Variants in STARD13 observed in about 807,000 individuals in gnomAD.
STARD13 encodes the protein stAR-related lipid transfer protein 13.
In STARD13, 62 loss-of-function variants were observed where a neutral mutation model predicts 106.4. The ratio of observed to expected loss-of-function variants is 0.58; its 90% CI spans 0.48 to 0.72. STARD13 has a LOEUF of 0.72. STARD13 is among the 30% of genes least tolerant of loss of function. STARD13 has a pLI of 0.00. For synonymous variants in STARD13, 565 were observed against 553.0 expected (o/e 1.02, Z -0.31); for missense variants, 1,387 against 1,424.0 (o/e 0.97, Z 0.42).
At chr13:33,128,348 A>G (rs1327398445) in intron 5 of STARD13, among the ~76,000 whole-genome samples, 5 of 152,178 alleles carry the variant, frequency 3.3e-5, no homozygotes, top group Admixed American at 1.3e-4. Context: ...GTGACACATC[A>G]CTGAACCACA....
chr13:33,353,203 C>T (rs1401306608), upstream of STARD13, among the ~76,000 whole-genome samples: 1 of 152,200 alleles, frequency 6.6e-6, no homozygotes, highest in Non-Finnish European at 1.5e-5. Context: ...CAGCAGCCAT[C>T]CTAAAGCCCA....
At chr13:33,331,069 A>T (rs71438007) in intron 1 of STARD13, among the ~76,000 whole-genome samples, 6 of 152,350 alleles carry the variant, frequency 3.9e-5, no homozygotes, top group Non-Finnish European at 7.3e-5. Context: ...AATAATTTGC[A>T]GACTATCCAA....
In STARD13 at chr13:33,106,853, AC is replaced by A. The variant is rs1278698342; in HGVS notation, c.3128del (p.Gly1043ValfsTer7). 3.7e-6 allele frequency: 6 copies of A among 1,613,982 alleles called. No individual in the cohort carries two copies. Among genetic ancestry groups the A allele is most frequent in the Non-Finnish European group, 5.1e-6 (6 of 1,180,012 alleles). Reference sequence around the variant, plus strand: ...AGTCCATCACCACTGCTCGCACACCACCCAGGAGCTGGGCTTCCTCATGCTC... The same window carrying A: ...AGTCCATCACCACTGCTCGCACACCACCAGGAGCTGGGCTTCCTCATGCTC... Reference protein sequence around the residue: ...SVEHEEAQLLGGVRAVVMDSQ... With the variant: ...SVEHEEAQLLXGVRAVVMDSQ... On this transcript the variant is annotated frameshift_variant, in exon 13 of 14. Transcript: ENST00000336934. LOFTEE classifies it high-confidence loss of function.
chr13:33,398,513 A>G, the STARD13 span, among the ~76,000 whole-genome samples: 5 of 152,248 alleles, frequency 3.3e-5, no homozygotes, highest in African/African-American at 1.2e-4. Flanking sequence ...TTAAAAAAGT[A>G]GAAAGCCAAG....
the STARD13 span, among the ~76,000 whole-genome samples, chr13:33,496,217 A>G: frequency 5.5e-5 from 8 of 146,712 alleles, no homozygotes; most frequent in Non-Finnish European, 9.0e-5. Context: ...TAATGTAAAC[A>G]TAATATAATT....
chr13:33,289,099 A>G (rs570951367), upstream of STARD13, among the ~76,000 whole-genome samples: 2 of 152,304 alleles, frequency 1.3e-5, no homozygotes, highest in African/African-American at 4.8e-5. Flanking sequence ...ATGAAGTCCT[A>G]TGGAATCAAA....
At chr13:33,499,511 C>CT in the STARD13 span, among the ~76,000 whole-genome samples, 14,183 of 69,010 alleles carry the variant, frequency 0.21, 3,914 homozygotes, top group East Asian at 0.52. Flanking sequence ...TCTTCTTCTT[C>CT]TTCTTTCTTT....
upstream of STARD13, chr13:33,285,771 T>G: frequency 4.8e-6 from 7 of 1,469,710 alleles, no homozygotes; most frequent in Non-Finnish European, 5.4e-6. Flanking sequence ...GAAAGAGGAG[T>G]GCCAAAGCCA....
chr13:33,138,819 G>A (rs1335763318), intron 4 of STARD13: 2 of 469,364 alleles, frequency 4.3e-6, no homozygotes, highest in Non-Finnish European at 8.6e-6. Flanking sequence ...CTCTTACAGA[G>A]GCAGGGAAGG....
At chr13:33,201,661 G>A (rs1484084269) in intron 1 of STARD13, among the ~76,000 whole-genome samples, 3 of 152,136 alleles carry the variant, frequency 2.0e-5, no homozygotes, top group African/African-American at 7.2e-5. Flanking sequence ...GGCCTTCTAG[G>A]CCCCTTCTGA....
At chr13:33,443,684 G>A in the STARD13 span, among the ~76,000 whole-genome samples, 1 of 151,998 alleles carries the variant, frequency 6.6e-6, no homozygotes, top group East Asian at 1.9e-4. Context: ...AGGAGTTCAA[G>A]ACCAGCGTGG....
the STARD13 span, among the ~76,000 whole-genome samples, chr13:33,409,732 C>T: frequency 8.5e-5 from 13 of 152,174 alleles, no homozygotes; most frequent in Admixed American, 1.3e-4. Context: ...CTAGTACCTG[C>T]CTGACCAAAT....
At chr13:33,479,770 A>G in the STARD13 span, among the ~76,000 whole-genome samples, 1 of 152,084 alleles carries the variant, frequency 6.6e-6, no homozygotes, top group Non-Finnish European at 1.5e-5. Context: ...TGTTCTCATG[A>G]TAGTGAATTC....
At chr13:33,301,568 C>CTTTTTTTTTTTTTTTT (rs11393186) in intron 1 of STARD13, among the ~76,000 whole-genome samples, 1 of 72,068 alleles carries the variant, frequency 1.4e-5, no homozygotes, top group Admixed American at 1.5e-4. Context: ...CTTTTTTTTT[C>CTTTTTTTTTTTTTTTT]TTTTTTTTTT....
chr13:33,657,711 C>T, the STARD13 span, among the ~76,000 whole-genome samples: 2 of 152,172 alleles, frequency 1.3e-5, no homozygotes, highest in African/African-American at 2.4e-5. Flanking sequence ...GCAGTCTTGC[C>T]TCCTCTCTTT....
At chr13:33,182,435 A>G (rs752105448) in intron 1 of STARD13, among the ~76,000 whole-genome samples, 2 of 152,206 alleles carry the variant, frequency 1.3e-5, no homozygotes, top group Non-Finnish European at 2.9e-5. Context: ...TGACTCAAAT[A>G]TATTTCTTAA....
chr13:33,260,305 A>T (rs1890577905), intron 1 of STARD13, among the ~76,000 whole-genome samples: 1 of 152,220 alleles, frequency 6.6e-6, no homozygotes, highest in South Asian at 2.1e-4. Flanking sequence ...CATCTTTCGC[A>T]CTTATTTGCA....
intron 3 of STARD13, among the ~76,000 whole-genome samples, chr13:33,145,737 A>G (rs1880441847): frequency 6.6e-6 from 1 of 152,214 alleles, no homozygotes; most frequent in African/African-American, 2.4e-5. Flanking sequence ...TCTCAGAGTC[A>G]TTATGCTAAG....
the STARD13 span, among the ~76,000 whole-genome samples, chr13:33,476,404 T>C: frequency 6.6e-6 from 1 of 152,238 alleles, no homozygotes; most frequent in East Asian, 1.9e-4. Flanking sequence ...GAATCAATCT[T>C]AGCAATGTGT....
Sources: allele counts gnomAD v4.1 joint callset (sites outside exome capture counted in the v4.1 genomes callset), GRCh38; gene constraint gnomAD v4.1.1; transcripts MANE v1.5; gene names NCBI Gene and HGNC (gene_info 2026-07-23, HGNC 2026-07-21).